The following TNRC6B variants were observed in gnomAD, a reference collection of about 807,000 sequenced individuals.
TNRC6B encodes trinucleotide repeat-containing gene 6B protein.
In TNRC6B, 52 loss-of-function variants were observed where a neutral mutation model predicts 203.6. The observed-to-expected ratio is 0.26, with a 90% CI of 0.20 to 0.32. TNRC6B has a LOEUF of 0.32. Among genes scored for constraint, TNRC6B ranks in the 10% least tolerant of loss-of-function variants. TNRC6B has a pLI of 1.00. For synonymous variants in TNRC6B, 838 were observed against 845.7 expected, an observed-to-expected ratio of 0.99 and a Z score of 0.16; for missense variants, 1,923 against 2,286.2, an observed-to-expected ratio of 0.84 and a Z score of 3.24.
intron 15 of TNRC6B, among the ~76,000 whole-genome samples, chr22:40,303,287 A>G (rs1031695965): frequency 6.6e-6 from 1 of 151,752 alleles, no homozygotes; most frequent in African/African-American, 2.4e-5. Context: ...TGGCCTCCCA[A>G]AGTGCTGGGG....
Position 40,265,558 on chromosome 22 carries a change from C to CTGGAAACAA in TNRC6B, c.1332_1340dup (p.Asn448_Gly450dup). On this transcript the variant is annotated inframe_insertion, in exon 5 of 23. Coordinates refer to ENST00000454349, the MANE Select transcript of TNRC6B (RefSeq NM_001162501.2). Reference sequence around the variant, plus strand: ...GACACAGTCTCTGGACAAAGCAATTCTGGAAACAATGGGAACAATGGAAAA... The same window carrying CTGGAAACAA: ...GACACAGTCTCTGGACAAAGCAATTCTGGAAACAATGGAAACAATGGGAACAATGGAAAA... 6.2e-7 allele frequency: 1 copy of CTGGAAACAA among 1,613,808 alleles called. No individual in the cohort carries two copies. The highest frequency in any genetic ancestry group is 8.5e-7 in the Non-Finnish European group (1 of 1,179,834).
chr22:40,125,863 G>A lies in TNRC6B; in HGVS notation c.45+1G>A. ...AGTATCGGAAGAAAGCAGTTCCAAGGTCAGTAAATTACTGAAAGGTACAGT... is the reference window on the plus strand; with the variant it reads ...AGTATCGGAAGAAAGCAGTTCCAAGATCAGTAAATTACTGAAAGGTACAGT... On this transcript the variant is annotated splice_donor_variant, in intron 3 of 23. Coordinates refer to the TNRC6B transcript ENST00000301923. LOFTEE classifies it high-confidence loss of function. The A allele has an allele frequency of 6.2e-7, 1 of 1,611,678 alleles. No individual in the cohort carries two copies. The highest frequency in any genetic ancestry group is 8.5e-7 in the Non-Finnish European group (1 of 1,179,382).
At chr22:40,131,800 A>G (rs1044336976) in intron 3 of TNRC6B, among the ~76,000 whole-genome samples, 28 of 152,300 alleles carry the variant, frequency 1.8e-4, no homozygotes, top group African/African-American at 5.8e-4. Context: ...GAGTTCTGCT[A>G]TTGTTGTGAA....
intron 11 of TNRC6B, among the ~76,000 whole-genome samples, chr22:40,282,811 C>T (rs2070735076): frequency 6.6e-6 from 1 of 152,024 alleles, no homozygotes; most frequent in South Asian, 2.1e-4. Flanking sequence ...TTTAAGATTT[C>T]GATTTTCCAA....
chr22:40,272,134 G>C (rs1249471702), intron 6 of TNRC6B, among the ~76,000 whole-genome samples: 5 of 152,040 alleles, frequency 3.3e-5, no homozygotes, highest in Admixed American at 2.0e-4. Context: ...CATAAATATG[G>C]TATTATATAA....
intron 1 of TNRC6B, 25 bp downstream of exon 1, chr22:40,178,165 T>G: frequency 6.2e-7 from 1 of 1,613,270 alleles, no homozygotes; most frequent in Non-Finnish European, 8.5e-7. Flanking sequence ...TCAATTTTTT[T>G]TAACCAATTG....
chr22:40,205,916 A>C (rs531036249), intron 1 of TNRC6B, among the ~76,000 whole-genome samples: 59 of 152,252 alleles, frequency 3.9e-4, no homozygotes, highest in African/African-American at 1.4e-3. Context: ...TATTCTTCTC[A>C]TCTGTCATGA....
At chr22:40,170,414 TTATATA>T (rs1332456811) in intron 4 of TNRC6B, among the ~76,000 whole-genome samples, 1 of 23,646 alleles carries the variant, frequency 4.2e-5, no homozygotes, top group Non-Finnish European at 5.9e-5. Context: ...TATATATAGT[TTATATA>T]TATATTATAT....
At chr22:40,176,317 G>A (rs1281114640), upstream of TNRC6B, among the ~76,000 whole-genome samples, 1 of 152,000 alleles carries the variant, frequency 6.6e-6, no homozygotes, top group Non-Finnish European at 1.5e-5. Context: ...AGTAGAGACG[G>A]GGTTTCTCCA....
intron 15 of TNRC6B, among the ~76,000 whole-genome samples, chr22:40,306,689 AAAAT>A (rs1213314239): frequency 2.6e-4 from 40 of 152,322 alleles, no homozygotes; most frequent in African/African-American, 3.1e-4. Context: ...TTCTTTAAAA[AAAAT>A]AAATAAATAA....
intron 15 of TNRC6B, among the ~76,000 whole-genome samples, chr22:40,304,298 A>G (rs2071063093): frequency 6.6e-6 from 1 of 152,184 alleles, no homozygotes; most frequent in African/African-American, 2.4e-5. Context: ...GATGGTTTCT[A>G]ATTCTGTCCT....
intron 6 of TNRC6B, among the ~76,000 whole-genome samples, chr22:40,271,514 A>G (rs1328910211): frequency 1.3e-5 from 2 of 152,232 alleles, no homozygotes; most frequent in East Asian, 3.8e-4. Context: ...CGACCTCATT[A>G]AAATAGTTAG....
At chr22:40,255,965 G>A (rs551383411) in intron 3 of TNRC6B, among the ~76,000 whole-genome samples, 7 of 152,174 alleles carry the variant, frequency 4.6e-5, no homozygotes, top group Non-Finnish European at 8.8e-5. Flanking sequence ...CGATTCTCCT[G>A]CCTCAGCCTC....
chr22:40,318,029 A>AT (rs1417509606), intron 21 of TNRC6B, among the ~76,000 whole-genome samples: 3 of 152,204 alleles, frequency 2.0e-5, no homozygotes, highest in African/African-American at 7.2e-5. Context: ...AACTAAGCAG[A>AT]TTTTTTCACT....
chr22:40,189,548 T>C (rs887752132), intron 1 of TNRC6B, among the ~76,000 whole-genome samples: 20 of 151,850 alleles, frequency 1.3e-4, no homozygotes, highest in Non-Finnish European at 1.0e-4. Context: ...TGAATTAAAC[T>C]GGCCTTTCCT....
chr22:40,331,703 G>T lies in TNRC6B; in HGVS notation c.*8462G>T. 1 of 338,374 alleles carries T rather than the reference G, an allele frequency of 3.0e-6. No individual in the cohort carries two copies. The highest frequency in any genetic ancestry group is 5.1e-6 in the Non-Finnish European group (1 of 197,934). 21.0% of individuals were successfully genotyped at this position (338,374 alleles called of 1,614,324 possible). A position where few individuals can be genotyped will look rare whatever the true frequency, so the allele number is the denominator to read the frequency against. On this transcript the variant is annotated 3_prime_UTR_variant, in exon 23 of 23. Coordinates refer to ENST00000454349, the MANE Select transcript of TNRC6B (RefSeq NM_001162501.2). Reference sequence around the variant, plus strand: ...AAAAGTCCCACATGTGGTCATCGTCGCTTCTTTATGTTGTAAGGTGAATTG... The same window carrying T: ...AAAAGTCCCACATGTGGTCATCGTCTCTTCTTTATGTTGTAAGGTGAATTG...
intron 1 of TNRC6B, among the ~76,000 whole-genome samples, chr22:40,077,284 C>T (rs1471306972): frequency 6.6e-6 from 1 of 152,116 alleles, no homozygotes; most frequent in Non-Finnish European, 1.5e-5. Flanking sequence ...GAGCAGAAAG[C>T]CAGAGCCTTC....
chr22:40,335,633 T>G lies in TNRC6B; in HGVS notation c.*12392T>G, dbSNP rs1012286985. On this transcript the variant is annotated 3_prime_UTR_variant, in exon 23 of 23. Transcript: ENST00000454349. Reference sequence around the variant, plus strand: ...TATAAGAGTTTTCTGAAGGGTTTTTTTTGGGCTTTTAAACAGCTTATTTTT... The same window carrying G: ...TATAAGAGTTTTCTGAAGGGTTTTTGTTGGGCTTTTAAACAGCTTATTTTT... The G allele has an allele frequency of 1.3e-5, 2 of 152,076 alleles. No homozygotes were observed. The highest frequency in any genetic ancestry group is 2.9e-5 in the Non-Finnish European group (2 of 67,938). The allele number at this position is 152,076 out of a possible 1,614,324, so 9.4% of individuals were successfully genotyped here. A position where few individuals can be genotyped will look rare whatever the true frequency, so the allele number is the denominator to read the frequency against.
intron 3 of TNRC6B, among the ~76,000 whole-genome samples, chr22:40,154,885 ATATATATATACATATATATATATATT>A (rs1379816589): frequency 9.0e-4 from 45 of 50,252 alleles, no homozygotes; most frequent in African/African-American, 5.2e-3. Context: ...ATATATATAT[ATATATATATACATATATATATATATT>A]CTGCTTCAAT....
Sources: gnomAD v4.1 joint callset for allele counts (sites outside exome capture counted in the v4.1 genomes callset) on GRCh38, gnomAD v4.1.1 for gene constraint, MANE v1.5 for transcripts, NCBI Gene and HGNC (gene_info 2026-07-23, HGNC 2026-07-21) for gene names.